Variants in CLEC12A observed in about 807,000 individuals in gnomAD.
The protein encoded by CLEC12A is C-type lectin domain family 12 member A.
In CLEC12A, 22 loss-of-function variants were observed where a neutral mutation model predicts 26.5. That is an observed-to-expected ratio of 0.83 (90% CI 0.59 to 1.19). CLEC12A has a LOEUF of 1.19. CLEC12A is among the 50% of genes most tolerant of loss of function. CLEC12A has a pLI of 0.00. For synonymous variants in CLEC12A, 119 were observed against 101.9 expected, an observed-to-expected ratio of 1.17 and a Z score of -1.01; for missense variants, 353 against 315.6, an observed-to-expected ratio of 1.12 and a Z score of -0.90.
chr12:9,973,595 A>T (rs770749), intron 1 of CLEC12A, among the ~76,000 whole-genome samples: 74,938 of 151,886 alleles, frequency 0.49, 19,108 homozygotes, highest in South Asian at 0.66. Context: ...TTTCAACCCC[A>T]GTTACTCTCA....
exon 5 of CLEC12A, chr12:9,995,228 T>A (rs754732682): frequency 3.9e-5 from 63 of 1,612,644 alleles, no homozygotes; most frequent in South Asian, 1.1e-5. Flanking sequence ...ATTAAATGAG[T>A]CCTGGCTTTG....
chr12:9,966,663 T>G (rs1169110062), upstream of CLEC12A, among the ~76,000 whole-genome samples: 1 of 151,874 alleles, frequency 6.6e-6, no homozygotes, highest in African/African-American at 2.4e-5. Flanking sequence ...CTCAGAAATA[T>G]GTTGCTACTT....
rs1167248027 is a variant in CLEC12A, at chr12:9,980,649, T to A, written c.447T>A (p.Asp149Glu). Residue 149 changes from aspartate (D) to glutamate (E), a missense_variant, in exon 4 of 6, where the codon GAT becomes GAA. Asp to Glu is a conservative substitution (Grantham distance 45). Coordinates refer to ENST00000304361, the MANE Select transcript of CLEC12A (RefSeq NM_138337.6). The part of the protein sequence containing the change: ...WHKDSCYFLS[D>E]DVQTWQESKM... ...AGGACAGCTGTTATTTCCTAAGTGA[T>A]GATGTCCAAACATGGCAGGAGAGTA... The A allele has an allele frequency of 1.2e-6, 2 of 1,613,876 alleles. No homozygotes were observed. Among genetic ancestry groups the A allele is most frequent in the South Asian group, 1.1e-5 (1 of 91,082 alleles).
upstream of CLEC12A, among the ~76,000 whole-genome samples, chr12:9,969,510 G>C (rs187300584): frequency 3.3e-5 from 5 of 152,266 alleles, no homozygotes; most frequent in Admixed American, 3.3e-4. Flanking sequence ...TTTGTATGAA[G>C]TAATACTTAT....
At chr12:9,981,997 C>A (rs749914888) in intron 4 of CLEC12A, 23 bp from the exon 5 acceptor site, 3 of 1,179,214 alleles carry the variant, frequency 2.5e-6, no homozygotes, top group Non-Finnish European at 3.7e-6. Flanking sequence ...GTTTCTTAAA[C>A]AGACTATCTG....
intron 1 of CLEC12A, among the ~76,000 whole-genome samples, chr12:9,978,221 T>C (rs1257301875): frequency 6.6e-6 from 1 of 152,190 alleles, no homozygotes; most frequent in Non-Finnish European, 1.5e-5. Context: ...TTATACATAA[T>C]GATGATTTAA....
At chr12:9,968,375 G>A (rs1004750469), upstream of CLEC12A, among the ~76,000 whole-genome samples, 18 of 100,258 alleles carry the variant, frequency 1.8e-4, no homozygotes, top group East Asian at 3.5e-4. Flanking sequence ...GAGAGTCAGC[G>A]AAGGGAGATG....
chr12:9,951,848 G>A (rs1863616334), intron 1 of CLEC12A: 1 of 167,218 alleles, frequency 6.0e-6, no homozygotes, highest in Non-Finnish European at 1.3e-5. Flanking sequence ...CCCGTATCAC[G>A]CTGAACATGC....
intron 1 of CLEC12A, among the ~76,000 whole-genome samples, chr12:9,959,102 C>G (rs1251163690): frequency 1.3e-5 from 2 of 152,128 alleles, no homozygotes; most frequent in Non-Finnish European, 2.9e-5. Context: ...CATCTTGTTA[C>G]TGGGCTGGAA....
At chr12:9,968,707 A>AT (rs1040044329), upstream of CLEC12A, among the ~76,000 whole-genome samples, 3 of 152,214 alleles carry the variant, frequency 2.0e-5, no homozygotes, top group African/African-American at 4.8e-5. Flanking sequence ...ACCCACAAAA[A>AT]ATATATAATT....
downstream of CLEC12A, among the ~76,000 whole-genome samples, chr12:9,987,716 T>G (rs750357201): frequency 2.6e-5 from 4 of 152,326 alleles, no homozygotes; most frequent in Middle Eastern, 3.4e-3. Flanking sequence ...ATCTTAAATT[T>G]TATAATTCTG....
chr12:9,990,057 T>A (rs1325687005), downstream of CLEC12A, among the ~76,000 whole-genome samples: 2 of 152,162 alleles, frequency 1.3e-5, no homozygotes, highest in African/African-American at 4.8e-5. Flanking sequence ...GGTCTTTTTT[T>A]CAAAATATTA....
intron 1 of CLEC12A, among the ~76,000 whole-genome samples, chr12:9,975,396 G>GT (rs753634618): frequency 1.3e-4 from 20 of 152,190 alleles, no homozygotes; most frequent in African/African-American, 4.3e-4. Context: ...TGAGGAATTT[G>GT]TTGGGAACGG....
chr12:9,964,702 A>T (rs1236865036), intron 1 of CLEC12A, among the ~76,000 whole-genome samples: 1 of 152,144 alleles, frequency 6.6e-6, no homozygotes, highest in Non-Finnish European at 1.5e-5. Context: ...TTCCTTGAGG[A>T]TAGATTTCCA....
chr12:9,971,623 T>C lies in CLEC12A; in HGVS notation c.27T>C (p.Asp9=), dbSNP rs138435606. The part of the protein sequence containing the change: MSEEVTYA[D]LQFQNSSEME... ...TGTCTGAAGAAGTTACTTATGCAGA[T>C]CTTCAATTCCAGAACTCCAGTGAGA... Residue 9 remains aspartate, a synonymous_variant, in exon 1 of 6, where the codon GAT becomes GAC. Transcript: ENST00000304361. 1 of 1,609,534 alleles carries C rather than the reference T, an allele frequency of 6.2e-7. No homozygotes were observed. Among genetic ancestry groups the C allele is most frequent in the Non-Finnish European group, 8.5e-7 (1 of 1,178,002 alleles).
the CLEC12A span, among the ~76,000 whole-genome samples, chr12:10,001,132 TTTTG>T: frequency 1.3e-5 from 2 of 152,212 alleles, no homozygotes; most frequent in African/African-American, 2.4e-5. Flanking sequence ...TGTAAACATT[TTTTG>T]TTTATTAACA....
intron 1 of CLEC12A, among the ~76,000 whole-genome samples, chr12:9,972,385 A>G (rs1591823395): frequency 6.6e-6 from 1 of 152,174 alleles, no homozygotes; most frequent in East Asian, 1.9e-4. Flanking sequence ...ACTTTCACTT[A>G]AACAAAACTA....
At chr12:9,958,725 C>T (rs540302697) in intron 1 of CLEC12A, among the ~76,000 whole-genome samples, 3 of 152,204 alleles carry the variant, frequency 2.0e-5, no homozygotes, top group South Asian at 4.2e-4. Flanking sequence ...CAAGTTTTAC[C>T]GGCAGTCTGA....
chr12:9,986,422 C>A (rs704230), downstream of CLEC12A, among the ~76,000 whole-genome samples: 7 of 137,010 alleles, frequency 5.1e-5, no homozygotes, highest in Non-Finnish European at 1.1e-4. Context: ...TATCCCCCCC[C>A]CCCTTTTTTT....
Sources: gnomAD v4.1 joint callset for allele counts (sites outside exome capture counted in the v4.1 genomes callset) on GRCh38, gnomAD v4.1.1 for gene constraint, MANE v1.5 for transcripts, NCBI Gene and HGNC (gene_info 2026-07-23, HGNC 2026-07-21) for gene names.